Variants in NKAIN2 observed in about 807,000 individuals in gnomAD.
NKAIN2 encodes the protein sodium/potassium transporting ATPase interacting 2.
A neutral mutation model predicts 32.6 loss-of-function variants in NKAIN2; 14 were observed. The observed-to-expected ratio is 0.43, with a 90% CI of 0.28 to 0.67. The LOEUF is 0.67. Ranked by LOEUF, NKAIN2 falls within the 30% of genes least tolerant of loss-of-function variation. NKAIN2 has a pLI of 0.17. For synonymous variants in NKAIN2, 80 were observed against 87.2 expected (o/e 0.92, Z 0.46); for missense variants, 198 against 258.3 (o/e 0.77, Z 1.60).
At chr6:124,246,272 C>G (rs982647837) in intron 1 of NKAIN2, among the ~76,000 whole-genome samples, 3 of 152,112 alleles carry the variant, frequency 2.0e-5, no homozygotes, top group Admixed American at 2.0e-4. Flanking sequence ...TCTGATCAAC[C>G]TCATTCTTGT....
At chr6:123,961,274 A>C (rs1229424396) in intron 1 of NKAIN2, among the ~76,000 whole-genome samples, 1 of 152,120 alleles carries the variant, frequency 6.6e-6, no homozygotes, top group African/African-American at 2.4e-5. Flanking sequence ...CTAAAACTGT[A>C]CCTAAAGCCT....
intron 1 of NKAIN2, among the ~76,000 whole-genome samples, chr6:124,159,054 A>T (rs1256033186): frequency 6.6e-6 from 1 of 152,158 alleles, no homozygotes; most frequent in South Asian, 2.1e-4. Context: ...TTTTAGGGCA[A>T]TTAGAATGCA....
intron 3 of NKAIN2, among the ~76,000 whole-genome samples, chr6:124,630,583 G>A (rs1344667072): frequency 1.3e-5 from 2 of 152,052 alleles, no homozygotes; most frequent in African/African-American, 4.8e-5. Context: ...GTAAAATAGA[G>A]CAGAGAAATT....
At chr6:124,434,981 T>G (rs1775376709) in intron 3 of NKAIN2, among the ~76,000 whole-genome samples, 1 of 152,208 alleles carries the variant, frequency 6.6e-6, no homozygotes, top group African/African-American at 2.4e-5. Context: ...CAGCCATCAT[T>G]CTTGAATAGA....
At chr6:124,511,235 G>C (rs1167430590) in intron 3 of NKAIN2, among the ~76,000 whole-genome samples, 2 of 152,148 alleles carry the variant, frequency 1.3e-5, no homozygotes, top group African/African-American at 4.8e-5. Context: ...TTTTAGTTCA[G>C]AGATTATAAA....
chr6:123,811,786 T>G (rs2114864635), intron 1 of NKAIN2, among the ~76,000 whole-genome samples: 1 of 152,292 alleles, frequency 6.6e-6, no homozygotes, highest in Non-Finnish European at 1.5e-5. Context: ...AACAACTAGT[T>G]TTTTTTCATA....
chr6:124,668,765 G>A (rs567035218), intron 4 of NKAIN2, among the ~76,000 whole-genome samples: 22 of 152,032 alleles, frequency 1.4e-4, no homozygotes, highest in South Asian at 1.0e-3. Context: ...GTCTTTTTTC[G>A]CAAACAGAAA....
At chr6:124,598,713 A>G (rs1295961272) in intron 3 of NKAIN2, among the ~76,000 whole-genome samples, 1 of 152,000 alleles carries the variant, frequency 6.6e-6, no homozygotes, top group African/African-American at 2.4e-5. Flanking sequence ...CACATAGAAC[A>G]CTAAAGCCCA....
chr6:124,730,669 A>G lies in NKAIN2; in HGVS notation c.475-60670A>G, dbSNP rs1452044892. ...GCATGGGCAAGGACTTCATGTCTAA[A>G]ACACCAAAAGCAATGGCAACAAAAG... On this transcript the variant is annotated intron_variant, in intron 4 of 6. Transcript: ENST00000368417. Among the ~76,000 whole-genome samples, 800 of 147,684 alleles carry G rather than the reference A, an allele frequency of 5.4e-3. 4 individuals carry two copies. The highest frequency in any genetic ancestry group is 0.019 in the African/African-American group (766 of 40,216).
intron 1 of NKAIN2, among the ~76,000 whole-genome samples, chr6:123,869,342 A>C: frequency 6.6e-6 from 1 of 152,148 alleles, no homozygotes; most frequent in East Asian, 1.9e-4. Flanking sequence ...AAACCAGAAG[A>C]GATTATAGAT....
intron 4 of NKAIN2, among the ~76,000 whole-genome samples, chr6:124,752,751 T>C (rs889222730): frequency 1.3e-5 from 2 of 152,086 alleles, no homozygotes; most frequent in African/African-American, 4.8e-5. Context: ...AAAGAATGTA[T>C]ATCTAAGTAT....
At chr6:124,498,608 A>C (rs1583341692) in intron 3 of NKAIN2, among the ~76,000 whole-genome samples, 1 of 152,270 alleles carries the variant, frequency 6.6e-6, no homozygotes, top group South Asian at 2.1e-4. Context: ...ACAGAGCATA[A>C]TTTTCTTAGT....
intron 1 of NKAIN2, among the ~76,000 whole-genome samples, chr6:123,860,885 C>T (rs1266501395): frequency 6.6e-6 from 1 of 152,182 alleles, no homozygotes; most frequent in African/African-American, 2.4e-5. Context: ...TTTGAGAAAG[C>T]CTACCAGAAA....
intron 1 of NKAIN2, among the ~76,000 whole-genome samples, chr6:123,896,404 T>A (rs1478216354): frequency 7.6e-6 from 1 of 132,362 alleles, no homozygotes; most frequent in Non-Finnish European, 1.5e-5. Context: ...ACCTGTTTAA[T>A]TTTTTTTAAA....
chr6:124,806,572 T>G (rs1169267433), intron 5 of NKAIN2, among the ~76,000 whole-genome samples: 2 of 149,430 alleles, frequency 1.3e-5, no homozygotes, highest in African/African-American at 4.9e-5. Flanking sequence ...AGGAAGAAAC[T>G]GCATCAACTA....
chr6:124,342,461 T>A (rs1798170521), intron 2 of NKAIN2, among the ~76,000 whole-genome samples: 1 of 140,866 alleles, frequency 7.1e-6, no homozygotes, highest in South Asian at 2.1e-4. Flanking sequence ...CACCTCATTG[T>A]TAAAAATTCT....
intron 3 of NKAIN2, among the ~76,000 whole-genome samples, chr6:124,613,906 A>AT (rs1177078414): frequency 2.0e-5 from 3 of 152,212 alleles, no homozygotes; most frequent in Non-Finnish European, 4.4e-5. Flanking sequence ...AATGAAGCTT[A>AT]TTCACACTAG....
intron 3 of NKAIN2, among the ~76,000 whole-genome samples, chr6:124,379,774 A>G (rs186656634): frequency 6.6e-6 from 1 of 152,300 alleles, no homozygotes; most frequent in African/African-American, 2.4e-5. Flanking sequence ...ATCAGGAAAG[A>G]CATTTTGAAA....
intron 3 of NKAIN2, among the ~76,000 whole-genome samples, chr6:124,617,499 T>A (rs1324196221): frequency 6.6e-6 from 1 of 152,194 alleles, no homozygotes; most frequent in Non-Finnish European, 1.5e-5. Context: ...AGAATCCTTC[T>A]ATGATCTTCC....
Sources: allele counts gnomAD v4.1 joint callset (sites outside exome capture counted in the v4.1 genomes callset), GRCh38; gene constraint gnomAD v4.1.1; transcripts MANE v1.5; gene names NCBI Gene and HGNC (gene_info 2026-07-23, HGNC 2026-07-21).